Variants in WWOX observed in about 807,000 individuals in gnomAD.
WWOX encodes the protein WW domain-containing oxidoreductase.
In WWOX, 69 loss-of-function variants were observed where a neutral mutation model predicts 46.2. The ratio of observed to expected loss-of-function variants is 1.49; its 90% confidence interval spans 1.23 to 1.82. The LOEUF (loss-of-function observed/expected upper bound fraction) is 1.82. Ranked by LOEUF, WWOX falls within the 40% of genes most tolerant of loss-of-function variation. WWOX has a pLI of 0.00. For missense variants in WWOX, 919 were observed against 542.6 expected (o/e 1.69, Z -6.89); for synonymous variants, 359 against 202.6 (o/e 1.77, Z -6.56).
intron 8 of WWOX, among the ~76,000 whole-genome samples, chr16:78,939,323 A>C (rs7203568): frequency 7.2e-5 from 11 of 152,200 alleles, no homozygotes; most frequent in African/African-American, 2.6e-4. Context: ...ATCCTCAGTA[A>C]TGTGTGTCCC....
chr16:78,669,648 C>T (rs16948279), intron 8 of WWOX, among the ~76,000 whole-genome samples: 25,032 of 152,098 alleles, frequency 0.16, 3,177 homozygotes, highest in African/African-American at 0.36. Context: ...AACACAAATA[C>T]GTCACTTGTT....
chr16:78,936,179 T>C (rs1447508587), intron 8 of WWOX, among the ~76,000 whole-genome samples: 3 of 152,142 alleles, frequency 2.0e-5, no homozygotes, highest in Admixed American at 6.5e-5. Flanking sequence ...GAAGGCAAGA[T>C]GAGAAGATGC....
At chr16:78,353,989 C>G (rs374200292) in intron 5 of WWOX, among the ~76,000 whole-genome samples, 1 of 152,234 alleles carries the variant, frequency 6.6e-6, no homozygotes, top group Non-Finnish European at 1.5e-5. Context: ...CTCATGCTTT[C>G]TCTCTTTCCA....
chr16:78,635,890 C>G (rs1367207898), intron 8 of WWOX, among the ~76,000 whole-genome samples: 2 of 152,088 alleles, frequency 1.3e-5, no homozygotes, highest in South Asian at 2.1e-4. Context: ...GCTTTGGAAA[C>G]CAGGACACAG....
chr16:78,565,635 A>G (rs1332087388), intron 8 of WWOX, among the ~76,000 whole-genome samples: 3 of 152,168 alleles, frequency 2.0e-5, no homozygotes, highest in Non-Finnish European at 2.9e-5. Flanking sequence ...GCCATGGCTG[A>G]TGACAGAGTC....
At chr16:78,398,699 A>G (rs2082344070) in intron 6 of WWOX, among the ~76,000 whole-genome samples, 1 of 152,222 alleles carries the variant, frequency 6.6e-6, no homozygotes, top group Admixed American at 6.5e-5. Flanking sequence ...TATCTGTGCT[A>G]CAACTTATTA....
At chr16:78,492,388 C>A (rs946868218) in intron 8 of WWOX, among the ~76,000 whole-genome samples, 4 of 152,230 alleles carry the variant, frequency 2.6e-5, no homozygotes, top group Non-Finnish European at 5.9e-5. Context: ...GTGACTCTAG[C>A]AATTAAGCCT....
intron 8 of WWOX, among the ~76,000 whole-genome samples, chr16:78,558,684 C>G (rs1022866709): frequency 5.3e-5 from 8 of 152,262 alleles, no homozygotes; most frequent in South Asian, 4.1e-4. Context: ...ATTCCAGCCT[C>G]CAATTCACTG....
intron 8 of WWOX, among the ~76,000 whole-genome samples, chr16:79,013,841 T>G (rs896001917): frequency 6.6e-6 from 1 of 152,168 alleles, no homozygotes; most frequent in African/African-American, 2.4e-5. Flanking sequence ...TTATTCTACT[T>G]TTCATTCTCG....
intron 8 of WWOX, among the ~76,000 whole-genome samples, chr16:78,781,779 A>G (rs1192266270): frequency 6.6e-6 from 1 of 152,198 alleles, no homozygotes; most frequent in Non-Finnish European, 1.5e-5. Context: ...CATCTCAAAT[A>G]AAATTAGTCA....
At chr16:78,232,606 C>A (rs936748702) in intron 5 of WWOX, among the ~76,000 whole-genome samples, 1 of 152,094 alleles carries the variant, frequency 6.6e-6, no homozygotes, top group Non-Finnish European at 1.5e-5. Context: ...CTTTTAAAAT[C>A]TGAGGAATTT....
intron 8 of WWOX, among the ~76,000 whole-genome samples, chr16:79,063,652 G>A (rs2048392767): frequency 6.6e-6 from 1 of 152,210 alleles, no homozygotes; most frequent in Non-Finnish European, 1.5e-5. Context: ...GCGCGCTAGA[G>A]TGATGTTTTT....
At chr16:78,873,377 G>A (rs1033939236) in intron 8 of WWOX, 4 of 152,138 alleles carry the variant, frequency 2.6e-5, no homozygotes, top group South Asian at 2.1e-4. Context: ...TCCTTATGCT[G>A]ATTTTTTTTT....
chr16:79,124,568 T>G (rs1331372868), intron 8 of WWOX, among the ~76,000 whole-genome samples: 1 of 152,160 alleles, frequency 6.6e-6, no homozygotes, highest in African/African-American at 2.4e-5. Flanking sequence ...CGAAGTGCAT[T>G]CCATGGCCCT....
intron 5 of WWOX, among the ~76,000 whole-genome samples, chr16:78,246,147 C>G (rs529795938): frequency 1.3e-5 from 2 of 152,234 alleles, no homozygotes; most frequent in South Asian, 2.1e-4. Context: ...TTTTTAAAGG[C>G]TGGATTTTCT....
chr16:78,599,168 C>T (rs2667538), intron 8 of WWOX, among the ~76,000 whole-genome samples: 1 of 152,202 alleles, frequency 6.6e-6, no homozygotes, highest in East Asian at 1.9e-4. Context: ...CTCCTCCAGT[C>T]CCGGGATCAA....
intron 8 of WWOX, among the ~76,000 whole-genome samples, chr16:78,461,374 C>G (rs1442084792): frequency 6.6e-6 from 1 of 151,520 alleles, no homozygotes; most frequent in Non-Finnish European, 1.5e-5. Context: ...AAAAAACAAA[C>G]AAACAAACAA....
intron 8 of WWOX, among the ~76,000 whole-genome samples, chr16:78,893,329 C>G (rs113118186): frequency 6.6e-6 from 1 of 152,162 alleles, no homozygotes; most frequent in Non-Finnish European, 1.5e-5. Context: ...CCAGTCCTTT[C>G]GCCTGTCCCC....
rs149526321 is a variant in WWOX at position 79,123,048 on chromosome 16, G to A, written c.1057-88560G>A. Among the ~76,000 whole-genome samples the A allele has an allele frequency of 3.9e-5, 6 of 152,256 alleles. No individual in the cohort carries two copies. In the East Asian group the frequency reaches 7.7e-4, roughly 20 times the overall value. On this transcript the variant is annotated intron_variant, in intron 8 of 8. Transcript: ENST00000566780. ...CGCAAGGTGAGGATGGGCCTTCTCC[G>A]CCTTCAAAAGTTGCTGCCTTCCAAG...
Sources: allele counts gnomAD v4.1 joint callset (sites outside exome capture counted in the v4.1 genomes callset), GRCh38; gene constraint gnomAD v4.1.1; transcripts MANE v1.5; gene names NCBI Gene and HGNC (gene_info 2026-07-23, HGNC 2026-07-21).